The following PREX1 variants were observed in gnomAD, a reference collection of about 807,000 sequenced individuals.
PREX1 encodes phosphatidylinositol 3,4,5-trisphosphate-dependent Rac exchanger 1 protein.
A neutral mutation model predicts 198.3 loss-of-function variants in PREX1; 41 were observed. The ratio of observed to expected loss-of-function variants is 0.21; its 90% confidence interval spans 0.16 to 0.27. PREX1 has a LOEUF of 0.27. Ranked by LOEUF, PREX1 falls within the 10% of genes least tolerant of loss-of-function variation. The pLI is 1.00. For synonymous variants in PREX1, 843 were observed against 887.2 expected, an observed-to-expected ratio of 0.95 and a Z score of 0.89; for missense variants, 1,620 against 2,200.7, an observed-to-expected ratio of 0.74 and a Z score of 5.28.
chr20:48,688,926 C>A (rs1169394122), intron 9 of PREX1, 122 bp from the exon 10 acceptor site: 1 of 1,151,790 alleles, frequency 8.7e-7, no homozygotes, highest in East Asian at 2.4e-5. Context: ...CACCACCTGC[C>A]CTCCACCACC....
chr20:48,749,544 T>C (rs563652936), intron 1 of PREX1, among the ~76,000 whole-genome samples: 1 of 152,298 alleles, frequency 6.6e-6, no homozygotes, highest in South Asian at 2.1e-4. Context: ...GAGAGGAGGC[T>C]AGCCCTCTGC....
At chr20:48,652,748 G>A in intron 20 of PREX1, 42 bp from the exon 21 acceptor site, 1 of 1,591,342 alleles carries the variant, frequency 6.3e-7, no homozygotes, top group Non-Finnish European at 8.6e-7. Context: ...GGTGCCGGCA[G>A]GTAGGGAGGA....
At chr20:48,758,956 G>A (rs1048992877) in intron 1 of PREX1, among the ~76,000 whole-genome samples, 6 of 152,204 alleles carry the variant, frequency 3.9e-5, no homozygotes, top group African/African-American at 1.4e-4. Context: ...CCCCTGCGGA[G>A]GCCAAAGATA....
intron 4 of PREX1, among the ~76,000 whole-genome samples, chr20:48,731,663 C>A (rs1451423251): frequency 6.6e-6 from 1 of 152,220 alleles, no homozygotes; most frequent in Admixed American, 6.5e-5. Context: ...GTTCCCAAAG[C>A]CTTAATGTCC....
chr20:48,884,849 T>C, the PREX1 span, among the ~76,000 whole-genome samples: 6 of 152,164 alleles, frequency 3.9e-5, no homozygotes, highest in African/African-American at 9.7e-5. Context: ...CGGTGGCTCA[T>C]GCCTGTAATC....
At chr20:48,854,234 G>C in the PREX1 span, among the ~76,000 whole-genome samples, 4 of 152,186 alleles carry the variant, frequency 2.6e-5, no homozygotes, top group African/African-American at 7.2e-5. Flanking sequence ...CCACTTAGTA[G>C]GAAATTTCAC....
chr20:48,629,355 C>G (rs2089296138), intron 37 of PREX1, 94 bp downstream of exon 37: 10 of 1,486,938 alleles, frequency 6.7e-6, no homozygotes, highest in Non-Finnish European at 9.1e-6. Context: ...AGGATTGGAA[C>G]CCAGCCTTCC....
chr20:48,649,588 GAAGA>G lies in PREX1; in HGVS notation c.3029-16_3029-13del, dbSNP rs1283286203. 4 of 1,569,202 alleles carry G rather than the reference GAAGA, an allele frequency of 2.5e-6. No individual in the cohort carries two copies. The highest frequency in any genetic ancestry group is 1.4e-5 in the African/African-American group (1 of 73,864). ...GGGGTTCAGGTGGCCTGCAGTGGAG[GAAGA>G]GAGAGCTCACTGGAAAACAGCCCCC... On this transcript the variant is annotated splice_polypyrimidine_tract_variant and intron_variant, in intron 24 of 39. Transcript: ENST00000371941.
intron 5 of PREX1, among the ~76,000 whole-genome samples, chr20:48,725,210 A>G (rs1408689588): frequency 6.6e-6 from 1 of 152,220 alleles, no homozygotes; most frequent in Non-Finnish European, 1.5e-5. Context: ...AACCCCTGTG[A>G]GCAGGTGCGT....
chr20:48,856,241 G>A, the PREX1 span, among the ~76,000 whole-genome samples: 8 of 152,328 alleles, frequency 5.3e-5, no homozygotes, highest in East Asian at 1.9e-4. Context: ...TGAGGACAGC[G>A]GCCTGCTGGC....
At chr20:48,747,281 G>T (rs548107808) in intron 2 of PREX1, among the ~76,000 whole-genome samples, 2 of 152,216 alleles carry the variant, frequency 1.3e-5, no homozygotes, top group Non-Finnish European at 2.9e-5. Flanking sequence ...GGCCTGGAGA[G>T]CCAGGCTGGG....
intron 5 of PREX1, among the ~76,000 whole-genome samples, chr20:48,717,525 A>G (rs893282746): frequency 1.6e-4 from 25 of 152,094 alleles, no homozygotes; most frequent in Non-Finnish European, 3.5e-4. Flanking sequence ...AAAAGAAAAC[A>G]AGAAGCGAAA....
At chr20:48,627,342 C>T (rs903915445) in intron 39 of PREX1, among the ~76,000 whole-genome samples, 1 of 150,884 alleles carries the variant, frequency 6.6e-6, no homozygotes, top group African/African-American at 2.4e-5. Flanking sequence ...TCACGGCACA[C>T]CTGGGGGCTC....
chr20:48,665,949 C>T (rs1050330295), intron 15 of PREX1, among the ~76,000 whole-genome samples: 1 of 152,220 alleles, frequency 6.6e-6, no homozygotes, highest in African/African-American at 2.4e-5. Context: ...CCTCCTTCCT[C>T]ACGGAGGCCT....
chr20:48,758,925 T>C (rs2090166907), intron 1 of PREX1, among the ~76,000 whole-genome samples: 2 of 152,142 alleles, frequency 1.3e-5, no homozygotes, highest in South Asian at 2.1e-4. Context: ...AGGCTGCATC[T>C]GCGGGGAACC....
At chr20:48,774,146 CA>C in intron 1 of PREX1, among the ~76,000 whole-genome samples, 1 of 152,314 alleles carries the variant, frequency 6.6e-6, no homozygotes. Flanking sequence ...CAATCTCGGA[CA>C]TTTTAAGTCT....
chr20:48,655,764 C>T (rs574315058), intron 18 of PREX1, among the ~76,000 whole-genome samples: 1 of 152,290 alleles, frequency 6.6e-6, no homozygotes, highest in South Asian at 2.1e-4. Context: ...TGGTACATCT[C>T]GGTGCTGACC....
chr20:48,658,193 G>A lies in PREX1; in HGVS notation c.1917C>T (p.Ile639=), dbSNP rs147901913. The A allele has an allele frequency of 1.7e-5, 28 of 1,614,048 alleles. No individual in the cohort carries two copies. Among genetic ancestry groups the A allele is most frequent in the Middle Eastern group, 3.3e-4 (2 of 6,082 alleles). ...CCACCACAGCCTTGTTCTTCTCCTC[G>A]ATGTCAAAGCCATAGTCCTCCTCCT... ...LPQEEDYGFD[I]EEKNKAVVVK... The change falls in exon 17 of 40, where the codon ATC becomes ATT. Residue 639 remains isoleucine (I), a synonymous_variant. Transcript: ENST00000371941.
Position 48,726,400 on chromosome 20 carries a change from G to A in PREX1, c.520-9C>T. The A allele has an allele frequency of 6.2e-7, 1 of 1,606,916 alleles. No homozygotes were observed. The highest frequency in any genetic ancestry group is 8.5e-7 in the Non-Finnish European group (1 of 1,175,198). On this transcript the variant is annotated splice_polypyrimidine_tract_variant and intron_variant, in intron 4 of 39. Transcript: ENST00000371941. ...CCCAGAAGCATGCAGCTCTGCAAAG[G>A]GACAGGAGACCTTCATGAAACCCAC...
Sources: allele counts gnomAD v4.1 joint callset (sites outside exome capture counted in the v4.1 genomes callset), GRCh38; gene constraint gnomAD v4.1.1; transcripts MANE v1.5; gene names NCBI Gene and HGNC (gene_info 2026-07-23, HGNC 2026-07-21).